RALGPS1: variants seen among roughly 807,000 people sequenced by gnomAD.
RALGPS1 encodes ras-specific guanine nucleotide-releasing factor RalGPS1.
RALGPS1 carries 19 observed loss-of-function variants against 78.8 expected under a neutral mutation model. The observed-to-expected ratio is 0.24, with a 90% CI of 0.17 to 0.35. The LOEUF (loss-of-function observed/expected upper bound fraction) is 0.35, where lower values mean the gene tolerates loss of function less well. RALGPS1 is among the 10% of genes least tolerant of loss of function. The pLI is 1.00. For synonymous variants in RALGPS1, 228 were observed against 256.3 expected, an observed-to-expected ratio of 0.89 and a Z score of 1.06; for missense variants, 454 against 688.3, an observed-to-expected ratio of 0.66 and a Z score of 3.81.
intron 8 of RALGPS1, among the ~76,000 whole-genome samples, chr9:127,073,998 C>G (rs949839589): frequency 6.6e-6 from 1 of 152,204 alleles, no homozygotes; most frequent in Non-Finnish European, 1.5e-5. Context: ...TCTCCTTCCT[C>G]AGCCTTCCGA....
intron 11 of RALGPS1, among the ~76,000 whole-genome samples, chr9:127,193,862 G>A (rs1265901811): frequency 1.3e-5 from 2 of 152,130 alleles, no homozygotes; most frequent in East Asian, 1.9e-4. Flanking sequence ...CCACCCCCAG[G>A]GCCTGACCCA....
intron 3 of RALGPS1, among the ~76,000 whole-genome samples, chr9:126,973,262 G>C (rs977328029): frequency 3.9e-5 from 6 of 152,118 alleles, no homozygotes; most frequent in African/African-American, 9.7e-5. Context: ...TAGCTTCTCA[G>C]GAGGCTGAGG....
At chr9:127,028,009 A>G (rs1277241519) in intron 4 of RALGPS1, among the ~76,000 whole-genome samples, 1 of 152,246 alleles carries the variant, frequency 6.6e-6, no homozygotes, top group Non-Finnish European at 1.5e-5. Flanking sequence ...CACTGATTCT[A>G]GATATCCCTA....
At chr9:126,960,172 C>T (rs1588657005) in intron 1 of RALGPS1, among the ~76,000 whole-genome samples, 1 of 93,070 alleles carries the variant, frequency 1.1e-5, no homozygotes, top group Non-Finnish European at 2.1e-5. Context: ...CCTTCCCTCC[C>T]TCCCTCCCTC....
intron 8 of RALGPS1, among the ~76,000 whole-genome samples, chr9:127,074,376 T>C (rs2135981240): frequency 6.6e-6 from 1 of 152,348 alleles, no homozygotes; most frequent in Middle Eastern, 3.4e-3. Flanking sequence ...TTTTCTTCTT[T>C]GGCTTACCAT....
At chr9:127,057,083 G>C (rs2048807623) in intron 7 of RALGPS1, among the ~76,000 whole-genome samples, 1 of 152,206 alleles carries the variant, frequency 6.6e-6, no homozygotes, top group African/African-American at 2.4e-5. Context: ...CAGAGCTGGT[G>C]AGTGACAGAA....
intron 8 of RALGPS1, among the ~76,000 whole-genome samples, chr9:127,145,823 C>T (rs2058062899): frequency 6.6e-6 from 1 of 152,258 alleles, no homozygotes; most frequent in Admixed American, 6.5e-5. Flanking sequence ...TTCCCAACCT[C>T]TCTGACCTTT....
chr9:126,966,659 T>G (rs1478952619), intron 3 of RALGPS1, among the ~76,000 whole-genome samples: 1 of 152,188 alleles, frequency 6.6e-6, no homozygotes, highest in African/African-American at 2.4e-5. Context: ...CTGTAGTATT[T>G]GGTTATAGAT....
chr9:126,940,892 T>C (rs1034211551), intron 1 of RALGPS1, among the ~76,000 whole-genome samples: 1 of 152,192 alleles, frequency 6.6e-6, no homozygotes, highest in Non-Finnish European at 1.5e-5. Context: ...TTCAGTTTTT[T>C]CCTCTAGGTG....
chr9:127,166,993 G>A (rs144306640), intron 9 of RALGPS1, among the ~76,000 whole-genome samples: 21 of 151,648 alleles, frequency 1.4e-4, no homozygotes, highest in African/African-American at 4.8e-4. Context: ...ATGAGCAGGC[G>A]GTTAGTCAGC....
rs1272067296 is a variant in RALGPS1 at position 127,211,469 on chromosome 9, G to A, written c.1248-662G>A. Among the ~76,000 whole-genome samples the A allele has an allele frequency of 6.6e-6, 1 of 152,190 alleles. No individual in the cohort carries two copies. Among genetic ancestry groups the A allele is most frequent in the Non-Finnish European group, 1.5e-5 (1 of 68,028 alleles). ...TTGATTAGGTTGCAGGGGCATCCGAGAGGAAGAAAATCCCCGCTTTCTGGC... is the reference window on the plus strand; with the variant it reads ...TTGATTAGGTTGCAGGGGCATCCGAAAGGAAGAAAATCCCCGCTTTCTGGC... On this transcript the variant is annotated intron_variant, in intron 14 of 18. Transcript: ENST00000259351. This position sits in a 1 kb window ranked among gnomAD's most constrained non-coding sequence, Gnocchi z 5.0.
rs991018727 is a variant in RALGPS1 at position 127,034,579 on chromosome 9, G to A, written c.300+65G>A. ...TCTGCTGCTGTCCCCTGTAGGCTGC[G>A]AGCCCCCACCCAAAGCTGTCTCCCA... is the stretch of plus-strand genomic sequence containing the variant. On this transcript the variant is annotated intron_variant, in intron 5 of 18. Transcript: ENST00000259351. 20 of 1,434,094 alleles carry A rather than the reference G, an allele frequency of 1.4e-5. No homozygotes were observed. The South Asian group carries it at 1.5e-4, about 11-fold the overall frequency. 88.8% of individuals were successfully genotyped at this position (1,434,094 alleles called of 1,614,324 possible). A position where few individuals can be genotyped will look rare whatever the true frequency, so the allele number is the denominator to read the frequency against.
chr9:127,055,792 T>C (rs1292340423), intron 7 of RALGPS1, among the ~76,000 whole-genome samples: 1 of 152,212 alleles, frequency 6.6e-6, no homozygotes, highest in East Asian at 1.9e-4. Context: ...TTTTTTATTT[T>C]TGTTTTTGTT....
intron 8 of RALGPS1, chr9:127,094,026 C>T (rs2052817711): frequency 7.3e-7 from 1 of 1,363,152 alleles, no homozygotes; most frequent in Non-Finnish European, 1.0e-6. Context: ...GAGGCTCCAG[C>T]TGGGAGCCAC....
intron 8 of RALGPS1, chr9:127,107,085 A>G (rs189354520): frequency 1.3e-5 from 2 of 152,352 alleles, no homozygotes; most frequent in Non-Finnish European, 2.9e-5. Flanking sequence ...TGCTTCTTCC[A>G]GAAATGATGA....
intron 8 of RALGPS1, among the ~76,000 whole-genome samples, chr9:127,085,690 T>C (rs2051643681): frequency 6.6e-6 from 1 of 152,134 alleles, no homozygotes; most frequent in African/African-American, 2.4e-5. Context: ...CTAACTAGTT[T>C]AGAAAAAGGA....
At chr9:127,052,059 C>T (rs1434772708) in intron 6 of RALGPS1, among the ~76,000 whole-genome samples, 1 of 152,172 alleles carries the variant, frequency 6.6e-6, no homozygotes, top group Non-Finnish European at 1.5e-5. Context: ...GCCGTGATTG[C>T]CTTCTGCACT....
intron 4 of RALGPS1, among the ~76,000 whole-genome samples, chr9:127,031,174 C>T (rs1448520325): frequency 6.6e-6 from 1 of 152,252 alleles, no homozygotes; most frequent in Non-Finnish European, 1.5e-5. Context: ...TCAGCCTTGT[C>T]TCCTCTGGTC....
At chr9:126,935,881 G>A (rs138970301) in intron 1 of RALGPS1, among the ~76,000 whole-genome samples, 1 of 152,284 alleles carries the variant, frequency 6.6e-6, no homozygotes, top group African/African-American at 2.4e-5. Flanking sequence ...GATTAGAGTT[G>A]GATTCCATTA....
Sources: gnomAD v4.1 joint callset for allele counts (sites outside exome capture counted in the v4.1 genomes callset) on GRCh38, gnomAD v4.1.1 for gene constraint, Gnocchi (gnomAD v3.1) non-coding constraint, MANE v1.5 for transcripts, NCBI Gene and HGNC (gene_info 2026-07-23, HGNC 2026-07-21) for gene names.